FRMD5: variants seen among roughly 807,000 people sequenced by gnomAD.
FRMD5 encodes the protein FERM domain containing 5.
A neutral mutation model predicts 69.0 loss-of-function variants in FRMD5; 20 were observed. That is an observed-to-expected ratio of 0.29 (90% CI 0.20 to 0.42). The LOEUF is 0.42. Ranked by LOEUF, FRMD5 falls within the 10% of genes least tolerant of loss-of-function variation. The probability of loss-of-function intolerance (pLI) is 1.00; values close to 1 mark genes in which losing one functional copy is unlikely to be tolerated. For missense variants in FRMD5, 595 were observed against 708.6 expected (o/e 0.84, Z 1.82); for synonymous variants, 271 against 260.1 (o/e 1.04, Z -0.40).
intron 1 of FRMD5, among the ~76,000 whole-genome samples, chr15:43,999,642 G>C (rs1034318682): frequency 1.3e-5 from 2 of 151,610 alleles, no homozygotes; most frequent in Admixed American, 6.6e-5. Context: ...CTTTTTATGC[G>C]TTTGACTTTC....
At chr15:43,900,552 C>G (rs1445843640) in intron 7 of FRMD5, among the ~76,000 whole-genome samples, 1 of 151,816 alleles carries the variant, frequency 6.6e-6, no homozygotes, top group African/African-American at 2.4e-5. Context: ...GAATAAATCA[C>G]CATCTTCTCA....
intron 1 of FRMD5, among the ~76,000 whole-genome samples, chr15:44,145,451 T>C (rs953149060): frequency 6.6e-6 from 1 of 152,204 alleles, no homozygotes; most frequent in Non-Finnish European, 1.5e-5. Context: ...CTGACAGGGA[T>C]TAATTGCTGG....
Position 43,871,588 on chromosome 15 carries a change from C to T in FRMD5, c.*2297G>A, listed in dbSNP as rs2088162461. 1 of 152,202 alleles carries T rather than the reference C, an allele frequency of 6.6e-6. No individual in the cohort carries two copies. The highest frequency in any genetic ancestry group is 2.4e-5 in the African/African-American group (1 of 41,442). 9.4% of individuals were successfully genotyped at this position (152,202 alleles called of 1,614,324 possible). A position where few individuals can be genotyped will look rare whatever the true frequency, so the allele number is the denominator to read the frequency against. ...CACGTTAGTCCTGTGCTAAATAAAG[C>T]CTTTGCTATGTAGATGACAAGTGGC... is the stretch of plus-strand genomic sequence containing the variant. On this transcript the variant is annotated 3_prime_UTR_variant, in exon 14 of 14. Coordinates refer to ENST00000417257, the MANE Select transcript of FRMD5 (RefSeq NM_032892.5).
chr15:44,194,528 A>T (rs1286040635), intron 1 of FRMD5: 2 of 277,770 alleles, frequency 7.2e-6, no homozygotes. Context: ...AAGAAAGATA[A>T]GAAAAGCCAG....
At position 44,183,256 on chromosome 15, in the gene FRMD5, G is replaced by T. The variant is rs539780244; in HGVS notation, c.102+11697C>A. On this transcript the variant is annotated intron_variant, in intron 1 of 13. Coordinates refer to ENST00000417257, the MANE Select transcript of FRMD5 (RefSeq NM_032892.5). ...AGACAAGACAATGCTGGAAAGGGGG[G>T]TAGCAGAGAGATTATGGAGGGCCTT... Among the ~76,000 whole-genome samples the T allele has an allele frequency of 1.8e-4, 28 of 152,186 alleles. No individual in the cohort carries two copies. The East Asian group carries it at 4.2e-3, about 23-fold the overall frequency.
Position 44,003,365 on chromosome 15 carries a change from T to C in FRMD5, c.103-79056A>G, listed in dbSNP as rs556525141. Among the ~76,000 whole-genome samples, 4 of 152,276 alleles carry C rather than the reference T, an allele frequency of 2.6e-5. No individual in the cohort carries two copies. In the South Asian group the frequency reaches 8.3e-4, roughly 32 times the overall value. ...AACATAGCAGTCAGGGTAGTGCTTT[T>C]AAAAATGTAAGTCACTTTCAATCAC... On this transcript the variant is annotated intron_variant, in intron 1 of 13. Coordinates refer to ENST00000417257, the MANE Select transcript of FRMD5 (RefSeq NM_032892.5).
intron 1 of FRMD5, among the ~76,000 whole-genome samples, chr15:44,159,327 A>G (rs901667826): frequency 6.6e-6 from 1 of 152,136 alleles, no homozygotes; most frequent in Non-Finnish European, 1.5e-5. Context: ...GAAAGGACTG[A>G]GATGCAACAG....
intron 1 of FRMD5, among the ~76,000 whole-genome samples, chr15:43,926,349 A>C (rs1411119545): frequency 1.3e-5 from 2 of 152,180 alleles, no homozygotes; most frequent in East Asian, 3.9e-4. Context: ...CTAATTTTGC[A>C]TACAAATTGA....
At chr15:43,875,804 G>GTTTTTTTTTTTTTTTTTTT (rs34063043) in intron 13 of FRMD5, 8 of 210,640 alleles carry the variant, frequency 3.8e-5, no homozygotes, top group African/African-American at 2.4e-4. Context: ...CCTGGGCCTA[G>GTTTTTTTTTTTTTTTTTTT]TTTTTTTTTT....
chr15:44,003,514 C>G (rs1890304861), intron 1 of FRMD5, among the ~76,000 whole-genome samples: 1 of 152,148 alleles, frequency 6.6e-6, no homozygotes, highest in Non-Finnish European at 1.5e-5. Flanking sequence ...ACTTTCTGGC[C>G]TCACCTCCTA....
At chr15:43,898,949 G>A (rs953750782) in intron 7 of FRMD5, among the ~76,000 whole-genome samples, 7 of 152,204 alleles carry the variant, frequency 4.6e-5, no homozygotes, top group African/African-American at 1.7e-4. Flanking sequence ...AACCATCAGT[G>A]TGCACAGGAA....
At position 43,884,795 on chromosome 15, in the gene FRMD5, A is replaced by G. The variant is rs759052042; in HGVS notation, c.960T>C (p.Ser320=). ...LFFKGSRFRY[S]GRVAKEVMES... ...CCATGACTTCCTTTGCAACTCGGCC[A>G]CTGTAAGTAGTGTAATAAAAACAAG... Residue 320 remains serine (S), a splice_region_variant and synonymous_variant, in exon 12 of 14, where the codon AGT becomes AGC. Transcript: ENST00000417257. 1 of 1,613,904 alleles carries G rather than the reference A, an allele frequency of 6.2e-7. No homozygotes were observed.
chr15:44,132,887 C>T (rs939387781), intron 1 of FRMD5, among the ~76,000 whole-genome samples: 3 of 151,872 alleles, frequency 2.0e-5, no homozygotes, highest in Non-Finnish European at 2.9e-5. Context: ...CCTTGCCTCC[C>T]GAGTAGCTGG....
At chr15:44,005,579 C>A (rs568790278) in intron 1 of FRMD5, among the ~76,000 whole-genome samples, 2 of 151,498 alleles carry the variant, frequency 1.3e-5, no homozygotes, top group Non-Finnish European at 2.9e-5. Flanking sequence ...GGAAATACAG[C>A]GGCTTCTATT....
intron 1 of FRMD5, among the ~76,000 whole-genome samples, chr15:43,929,884 T>C (rs949478542): frequency 7.2e-5 from 11 of 152,212 alleles, no homozygotes; most frequent in African/African-American, 1.9e-4. Context: ...GGCATGCCGA[T>C]GTCTGCCAGG....
intron 1 of FRMD5, chr15:44,194,742 C>A: frequency 1.5e-6 from 1 of 655,688 alleles, no homozygotes; most frequent in Non-Finnish European, 2.7e-6. Context: ...GAGACTCGCC[C>A]CGCGGCGGCG....
At position 44,106,202 on chromosome 15, in the gene FRMD5, C is replaced by G. The variant is rs906367326; in HGVS notation, c.102+88751G>C. ...TCTGTTTACAAATGGGTCTGATACC[C>G]AATAATTAAAATTATTTTAATAAGC... On this transcript the variant is annotated intron_variant, in intron 1 of 13. Coordinates refer to ENST00000417257, the MANE Select transcript of FRMD5 (RefSeq NM_032892.5). Among the ~76,000 whole-genome samples, 16 of 152,054 alleles carry G rather than the reference C, an allele frequency of 1.1e-4. 1 individual carries two copies. The South Asian group carries it at 3.1e-3, about 30-fold the overall frequency.
chr15:43,875,363 A>ATT (rs1555465599), intron 13 of FRMD5, among the ~76,000 whole-genome samples: 1 of 105,348 alleles, frequency 9.5e-6, no homozygotes, highest in East Asian at 3.0e-4. Flanking sequence ...AAAAAAAAAA[A>ATT]ATATATATAT....
chr15:43,948,748 G>A (rs994071487), intron 1 of FRMD5, among the ~76,000 whole-genome samples: 43 of 152,124 alleles, frequency 2.8e-4, no homozygotes, highest in African/African-American at 1.0e-3. Flanking sequence ...CTCCGAAAAG[G>A]ACAGGCCTGT....
Sources: allele counts gnomAD v4.1 joint callset (sites outside exome capture counted in the v4.1 genomes callset), GRCh38; gene constraint gnomAD v4.1.1; transcripts MANE v1.5; gene names NCBI Gene and HGNC (gene_info 2026-07-23, HGNC 2026-07-21).